The following ARHGAP15 variants were observed in gnomAD, a reference collection of about 807,000 sequenced individuals.
ARHGAP15 encodes rho GTPase-activating protein 15.
ARHGAP15 carries 51 observed loss-of-function variants against 63.7 expected under a neutral mutation model. That is an observed-to-expected ratio of 0.80 (90% confidence interval 0.64 to 1.01). ARHGAP15 has a LOEUF of 1.01. Among genes scored for constraint, ARHGAP15 ranks in the 50% least tolerant of loss-of-function variants. The pLI, the probability that ARHGAP15 is intolerant of heterozygous loss-of-function variation, is 0.00. For synonymous variants in ARHGAP15, 191 were observed against 193.8 expected (o/e 0.99, Z 0.12); for missense variants, 560 against 564.6 (o/e 0.99, Z 0.08).
chr2:143,607,321 C>G (rs1184994606), intron 11 of ARHGAP15, among the ~76,000 whole-genome samples: 1 of 152,108 alleles, frequency 6.6e-6, no homozygotes, highest in Admixed American at 6.5e-5. Context: ...TATCTTTTGA[C>G]TTAGAACATT....
intron 6 of ARHGAP15, among the ~76,000 whole-genome samples, chr2:143,278,292 A>C (rs1248933501): frequency 6.6e-6 from 1 of 152,162 alleles, no homozygotes; most frequent in Non-Finnish European, 1.5e-5. Context: ...TACCTCTTGA[A>C]GATCAAAAAA....
At chr2:143,595,563 T>C (rs1697482589) in intron 11 of ARHGAP15, among the ~76,000 whole-genome samples, 1 of 152,148 alleles carries the variant, frequency 6.6e-6, no homozygotes, top group South Asian at 2.1e-4. Flanking sequence ...AATCAGCAAG[T>C]AAATTATGTT....
intron 11 of ARHGAP15, among the ~76,000 whole-genome samples, chr2:143,603,492 G>T (rs916354229): frequency 6.6e-6 from 1 of 152,080 alleles, no homozygotes; most frequent in African/African-American, 2.4e-5. Flanking sequence ...TTGTATTGTT[G>T]TTTGACTTTT....
At chr2:143,171,008 A>C (rs1690756043) in intron 2 of ARHGAP15, among the ~76,000 whole-genome samples, 2 of 152,166 alleles carry the variant, frequency 1.3e-5, no homozygotes, top group African/African-American at 4.8e-5. Context: ...GTAACATCTA[A>C]TAATATTCTA....
intron 6 of ARHGAP15, among the ~76,000 whole-genome samples, chr2:143,359,868 A>G (rs1357625888): frequency 6.6e-6 from 1 of 152,182 alleles, no homozygotes; most frequent in African/African-American, 2.4e-5. Flanking sequence ...AAATTTTACT[A>G]TAGGGTGACA....
At chr2:143,197,078 T>C (rs963783914) in intron 2 of ARHGAP15, among the ~76,000 whole-genome samples, 7 of 151,958 alleles carry the variant, frequency 4.6e-5, no homozygotes, top group Non-Finnish European at 8.8e-5. Flanking sequence ...AAGAATAAAA[T>C]GTAGGGTTTT....
chr2:143,289,133 C>A (rs1458963767), intron 6 of ARHGAP15, among the ~76,000 whole-genome samples: 6 of 151,974 alleles, frequency 3.9e-5, no homozygotes, highest in Admixed American at 2.0e-4. Flanking sequence ...TATATGTTTT[C>A]TTGTGACAGC....
chr2:143,411,030 C>A (rs956007364), intron 6 of ARHGAP15, among the ~76,000 whole-genome samples: 1 of 152,028 alleles, frequency 6.6e-6, no homozygotes, highest in African/African-American at 2.4e-5. Context: ...CATGGAAAAA[C>A]CCTGTCTTTA....
intron 11 of ARHGAP15, among the ~76,000 whole-genome samples, chr2:143,614,775 G>T (rs1698393304): frequency 6.6e-6 from 1 of 152,136 alleles, no homozygotes; most frequent in African/African-American, 2.4e-5. Flanking sequence ...GGAGTGATGG[G>T]GTTCTCAGGC....
chr2:143,157,976 C>T (rs1032213489), intron 2 of ARHGAP15, among the ~76,000 whole-genome samples: 1 of 151,594 alleles, frequency 6.6e-6, no homozygotes, highest in Non-Finnish European at 1.5e-5. Context: ...GTAGTCTGTA[C>T]AGAAAAAAAT....
intron 6 of ARHGAP15, among the ~76,000 whole-genome samples, chr2:143,329,625 A>G (rs1684415098): frequency 6.6e-6 from 1 of 152,170 alleles, no homozygotes; most frequent in South Asian, 2.1e-4. Flanking sequence ...GAAATAAGAA[A>G]TACTGTGTTT....
At chr2:143,413,931 G>T (rs1048934859) in intron 6 of ARHGAP15, among the ~76,000 whole-genome samples, 9 of 77,056 alleles carry the variant, frequency 1.2e-4, no homozygotes, top group Non-Finnish European at 2.1e-4. Flanking sequence ...AGGTAGTTGT[G>T]TGTGTGTGTG....
At chr2:143,146,705 G>T (rs1030243634) in intron 1 of ARHGAP15, among the ~76,000 whole-genome samples, 1 of 152,024 alleles carries the variant, frequency 6.6e-6, no homozygotes, top group Non-Finnish European at 1.5e-5. Context: ...CATTAAAGGA[G>T]ATACTCTGAA....
At chr2:143,761,906 T>G (rs1049681970) in intron 13 of ARHGAP15, among the ~76,000 whole-genome samples, 12 of 152,176 alleles carry the variant, frequency 7.9e-5, no homozygotes, top group Admixed American at 2.6e-4. Flanking sequence ...AAAACTGAAT[T>G]CTTACTCATT....
intron 3 of ARHGAP15, among the ~76,000 whole-genome samples, chr2:143,209,611 G>A (rs2105129984): frequency 6.6e-6 from 1 of 152,120 alleles, no homozygotes; most frequent in East Asian, 1.9e-4. Context: ...AGTCACACAT[G>A]GATTCTTTGA....
intron 10 of ARHGAP15, among the ~76,000 whole-genome samples, chr2:143,542,640 A>ATATATATATGATATATATTATATATAT (rs1695125228): frequency 4.2e-5 from 6 of 143,566 alleles, no homozygotes; most frequent in Admixed American, 7.3e-5. Context: ...ATGATTTAAA[A>ATATATATATGATATATATTATATATAT]TATATATATG....
chr2:143,216,541 G>A (rs1692764560), intron 4 of ARHGAP15, 96 bp downstream of exon 4: 2 of 846,242 alleles, frequency 2.4e-6, no homozygotes, highest in Admixed American at 4.3e-5. Context: ...AAGTCCCTAT[G>A]GTACCAGACT....
At chr2:143,249,901 A>C (rs1401505904) in intron 5 of ARHGAP15, among the ~76,000 whole-genome samples, 6 of 152,138 alleles carry the variant, frequency 3.9e-5, no homozygotes, top group Non-Finnish European at 1.5e-5. Flanking sequence ...AAGTCTGAAA[A>C]GTGAATTTCT....
chr2:143,610,324 C>G (rs1698203181), intron 11 of ARHGAP15, among the ~76,000 whole-genome samples: 1 of 152,090 alleles, frequency 6.6e-6, no homozygotes, highest in Non-Finnish European at 1.5e-5. Context: ...TAGCTCTGTT[C>G]ATTAAAGGAA....
Sources: allele counts gnomAD v4.1 joint callset (sites outside exome capture counted in the v4.1 genomes callset), GRCh38; gene constraint gnomAD v4.1.1; transcripts MANE v1.5; gene names NCBI Gene and HGNC (gene_info 2026-07-23, HGNC 2026-07-21).